ZNF385D: variants seen among roughly 807,000 people sequenced by gnomAD.
ZNF385D encodes the protein zinc finger protein 659.
Under a neutral mutation model 35.8 loss-of-function variants are expected in ZNF385D, and 15 were observed. The observed-to-expected ratio is 0.42, with a 90% CI of 0.28 to 0.64. The LOEUF is 0.64. Ranked by LOEUF, ZNF385D falls within the 30% of genes least tolerant of loss-of-function variation. The pLI, the probability that ZNF385D is intolerant of heterozygous loss-of-function variation, is 0.23. For missense variants in ZNF385D, 474 were observed against 494.6 expected, an observed-to-expected ratio of 0.96 and a Z score of 0.39; for synonymous variants, 212 against 186.8, an observed-to-expected ratio of 1.13 and a Z score of -1.10.
intron 1 of ZNF385D, among the ~76,000 whole-genome samples, chr3:21,724,496 A>C (rs1350382483): frequency 8.9e-5 from 8 of 89,874 alleles, no homozygotes; most frequent in South Asian, 3.3e-4. Flanking sequence ...AAAAAAAAAA[A>C]AAAAAAAAAA....
At chr3:21,988,769 T>C (rs1314433710) in intron 3 of ZNF385D, among the ~76,000 whole-genome samples, 5 of 151,846 alleles carry the variant, frequency 3.3e-5, no homozygotes, top group Admixed American at 6.6e-5. Flanking sequence ...TCCCCCAGCC[T>C]CGCTGCCGCT....
At chr3:22,045,332 T>C (rs1042685449) in intron 3 of ZNF385D, among the ~76,000 whole-genome samples, 2 of 152,132 alleles carry the variant, frequency 1.3e-5, no homozygotes, top group South Asian at 2.1e-4. Context: ...AAATATAACA[T>C]AATAAAAGCA....
At chr3:22,187,123 A>G (rs1011893018) in intron 2 of ZNF385D, among the ~76,000 whole-genome samples, 1 of 152,156 alleles carries the variant, frequency 6.6e-6, no homozygotes, top group Non-Finnish European at 1.5e-5. Context: ...CCACATATAA[A>G]AAGACATGAA....
At position 21,653,167 on chromosome 3, in the gene ZNF385D, A is replaced by C. The variant is rs189811196; in HGVS notation, c.165+11719T>G. Among the ~76,000 whole-genome samples, 75 of 152,222 alleles carry C rather than the reference A, an allele frequency of 4.9e-4. 1 individual carries two copies. The highest frequency in any genetic ancestry group is 1.5e-3 in the African/African-American group (62 of 41,542). ...TTCTATAATTCTATTACATTTTGCA[A>C]CTGGTGTTTCTTCCCCCAGCAGCAC... is the stretch of plus-strand genomic sequence containing the variant. On this transcript the variant is annotated intron_variant, in intron 2 of 7. Coordinates refer to ENST00000281523, the MANE Select transcript of ZNF385D (RefSeq NM_024697.3).
intron 3 of ZNF385D, among the ~76,000 whole-genome samples, chr3:21,975,206 T>C (rs1703519733): frequency 6.6e-6 from 1 of 152,140 alleles, no homozygotes; most frequent in South Asian, 2.1e-4. Flanking sequence ...AATGTACATA[T>C]ACACAATGGA....
intron 3 of ZNF385D, among the ~76,000 whole-genome samples, chr3:21,954,139 A>C (rs1702184459): frequency 6.6e-6 from 1 of 151,832 alleles, no homozygotes; most frequent in African/African-American, 2.4e-5. Flanking sequence ...TCTAAAGCAC[A>C]ATATTGAGTC....
intron 3 of ZNF385D, among the ~76,000 whole-genome samples, chr3:21,887,100 G>A (rs17009952): frequency 0.014 from 2,116 of 152,148 alleles, 36 homozygotes; most frequent in African/African-American, 0.042. Context: ...GGAGATAAAA[G>A]GTCCCTTCTT....
chr3:21,600,166 T>G (rs1553620855), intron 2 of ZNF385D, among the ~76,000 whole-genome samples: 1 of 152,146 alleles, frequency 6.6e-6, no homozygotes, highest in Non-Finnish European at 1.5e-5. Flanking sequence ...TTTAGCATAA[T>G]AAAGAAATAA....
chr3:21,659,899 A>G (rs1252452280), intron 2 of ZNF385D, among the ~76,000 whole-genome samples: 1 of 152,022 alleles, frequency 6.6e-6, no homozygotes, highest in Non-Finnish European at 1.5e-5. Flanking sequence ...AGAACTTTTG[A>G]TTCAGAATCT....
At chr3:22,097,586 C>T (rs1701700231) in intron 3 of ZNF385D, among the ~76,000 whole-genome samples, 1 of 152,064 alleles carries the variant, frequency 6.6e-6, no homozygotes, top group Admixed American at 6.6e-5. Context: ...ATGACTTCTT[C>T]TCACTGTCTA....
chr3:21,724,133 A>C (rs928179335), intron 1 of ZNF385D, among the ~76,000 whole-genome samples: 17 of 152,138 alleles, frequency 1.1e-4, no homozygotes, highest in Admixed American at 4.6e-4. Flanking sequence ...GCCTGCCTTA[A>C]AAGAGCTCCT....
intron 3 of ZNF385D, among the ~76,000 whole-genome samples, chr3:22,015,055 A>T (rs1043876563): frequency 6.6e-6 from 1 of 151,846 alleles, no homozygotes; most frequent in East Asian, 1.9e-4. Flanking sequence ...CTTTTTTTTT[A>T]AATTATACAC....
At chr3:21,891,536 G>A (rs148251725) in intron 3 of ZNF385D, among the ~76,000 whole-genome samples, 2,008 of 152,170 alleles carry the variant, frequency 0.013, 29 homozygotes, top group Middle Eastern at 0.031. Flanking sequence ...AATGATATAA[G>A]ACATGGGTTT....
intron 3 of ZNF385D, among the ~76,000 whole-genome samples, chr3:21,902,516 TTCC>T (rs1184675666): frequency 6.6e-6 from 1 of 152,328 alleles, no homozygotes; most frequent in East Asian, 1.9e-4. Context: ...CCTATTCCTT[TTCC>T]TCCTTTTATA....
intron 3 of ZNF385D, among the ~76,000 whole-genome samples, chr3:21,791,901 A>T (rs2071945411): frequency 6.6e-6 from 1 of 151,924 alleles, no homozygotes; most frequent in South Asian, 2.1e-4. Flanking sequence ...CGCCCAGCTA[A>T]TTTTTGTTTA....
intron 3 of ZNF385D, among the ~76,000 whole-genome samples, chr3:21,527,944 AC>A (rs766492150): frequency 6.6e-6 from 1 of 152,152 alleles, no homozygotes; most frequent in Non-Finnish European, 1.5e-5. Context: ...TATTTAAATG[AC>A]TTTATGTAAA....
intron 3 of ZNF385D, chr3:21,961,639 A>G (rs2125319905): frequency 6.6e-6 from 1 of 152,256 alleles, no homozygotes; most frequent in East Asian, 1.9e-4. Flanking sequence ...ACATTATTTC[A>G]TTGATTGTTA....
intron 3 of ZNF385D, among the ~76,000 whole-genome samples, chr3:22,138,477 C>A (rs1704296032): frequency 6.6e-6 from 1 of 151,846 alleles, no homozygotes. Context: ...AGATATAGAC[C>A]AACGGAACAG....
chr3:22,093,653 C>T (rs35875436), intron 3 of ZNF385D, among the ~76,000 whole-genome samples: 23,114 of 152,054 alleles, frequency 0.15, 1,950 homozygotes, highest in African/African-American at 0.2. Context: ...TCACCTCTGT[C>T]TTCCCACTCA....
Sources: allele counts gnomAD v4.1 joint callset (sites outside exome capture counted in the v4.1 genomes callset), GRCh38; gene constraint gnomAD v4.1.1; transcripts MANE v1.5; gene names NCBI Gene and HGNC (gene_info 2026-07-23, HGNC 2026-07-21).